The following TJP2 variants were observed in gnomAD, a reference collection of about 807,000 sequenced individuals.
TJP2 encodes Friedreich ataxia region gene X104 (tight junction protein ZO-2).
A neutral mutation model predicts 133.1 loss-of-function variants in TJP2; 91 were observed. That is an observed-to-expected ratio of 0.68 (90% confidence interval 0.58 to 0.81). The LOEUF (loss-of-function observed/expected upper bound fraction) is 0.81, where lower values mean the gene tolerates loss of function less well. Ranked by LOEUF, TJP2 falls within the 40% of genes least tolerant of loss-of-function variation. The pLI is 0.00. For missense variants in TJP2, 1,541 were observed against 1,565.6 expected (o/e 0.98, Z 0.26); for synonymous variants, 592 against 583.4 (o/e 1.01, Z -0.21).
At position 69,134,463 on chromosome 9, in the gene TJP2, A is replaced by G. The variant is rs111793343; in HGVS notation, c.-131+12738A>G. Among the ~76,000 whole-genome samples the G allele has an allele frequency of 4.9e-3, 741 of 152,262 alleles. 5 individuals carry two copies. Among genetic ancestry groups the G allele is most frequent in the African/African-American group, 0.017 (697 of 41,562 alleles). On this transcript the variant is annotated intron_variant, in intron 1 of 5. Transcript: ENST00000423935. ...ATGTGGGGCTGTTGTCTGGAGTGTG[A>G]GTGGTGTTGGAGGCCTGAAGGGCTG... is the stretch of plus-strand genomic sequence containing the variant.
intron 1 of TJP2, among the ~76,000 whole-genome samples, chr9:69,142,169 C>T (rs929502633): frequency 6.6e-6 from 1 of 152,152 alleles, no homozygotes; most frequent in Non-Finnish European, 1.5e-5. Context: ...GCGCTGGGCA[C>T]ATGGGTTATT....
Position 69,228,111 on chromosome 9 carries a change from C to T in TJP2, c.1450C>T (p.Pro484Ser). Residue 484 changes from proline (P) to serine (S), a missense_variant, in exon 9 of 23, where the codon CCA becomes TCA. Pro to Ser is a moderately conservative substitution (Grantham distance 74). Transcript: ENST00000377245. ...GGAACCCAGATACCAAGAGGACCCC[C>T]CAGGTGAGCCATTAAGACCACTCAG... is the stretch of plus-strand genomic sequence containing the variant. Reference protein sequence around the residue: ...NKEPRYQEDPPAPQPKAAPRT... With the variant: ...NKEPRYQEDPSAPQPKAAPRT... 1.9e-6 allele frequency: 3 copies of T among 1,603,434 alleles called. No homozygotes were observed. Among genetic ancestry groups the T allele is most frequent in the Non-Finnish European group, 2.6e-6 (3 of 1,174,640 alleles).
upstream of TJP2, among the ~76,000 whole-genome samples, chr9:69,170,338 A>C (rs1824611626): frequency 6.6e-6 from 1 of 152,154 alleles, no homozygotes; most frequent in Non-Finnish European, 1.5e-5. Flanking sequence ...TCATCATCAT[A>C]CATTAGATGT....
chr9:69,243,801 G>C (rs2133436258), intron 17 of TJP2, among the ~76,000 whole-genome samples: 1 of 152,318 alleles, frequency 6.6e-6, no homozygotes, highest in Admixed American at 6.5e-5. Flanking sequence ...TGCCCATTTA[G>C]AGGGGGTCTA....
intron 1 of TJP2, among the ~76,000 whole-genome samples, chr9:69,175,291 A>G (rs1014958457): frequency 2.0e-5 from 3 of 152,196 alleles, no homozygotes; most frequent in Admixed American, 1.3e-4. Flanking sequence ...ATCCCATGAT[A>G]GAAACTGCCT....
chr9:69,173,893 G>C (rs1824838181), upstream of TJP2, among the ~76,000 whole-genome samples: 1 of 152,158 alleles, frequency 6.6e-6, no homozygotes, highest in South Asian at 2.1e-4. Flanking sequence ...CCCAGAGCGC[G>C]CGCGCTCGGA....
chr9:69,139,993 G>A (rs776245754), intron 1 of TJP2, among the ~76,000 whole-genome samples: 1 of 152,162 alleles, frequency 6.6e-6, no homozygotes, highest in Admixed American at 6.5e-5. Flanking sequence ...CGTGAGCGTT[G>A]GGGGCAGGCT....
At chr9:69,175,173 C>A (rs1237517317) in intron 1 of TJP2, among the ~76,000 whole-genome samples, 1 of 152,160 alleles carries the variant, frequency 6.6e-6, no homozygotes, top group African/African-American at 2.4e-5. Flanking sequence ...GGAATACAGC[C>A]TCCCACCTCT....
intron 1 of TJP2, among the ~76,000 whole-genome samples, chr9:69,140,840 G>A (rs1483340991): frequency 7.9e-5 from 12 of 152,118 alleles, no homozygotes; most frequent in Admixed American, 6.6e-4. Flanking sequence ...GGAGTTCAAA[G>A]TTTTTTATTT....
chr9:69,230,748 T>TC (rs981794591), intron 11 of TJP2, among the ~76,000 whole-genome samples: 23 of 152,288 alleles, frequency 1.5e-4, no homozygotes, highest in African/African-American at 5.3e-4. Flanking sequence ...AATACCTGCC[T>TC]CGCAGGGACT....
chr9:69,211,377 A>G (rs1383697590), intron 1 of TJP2, among the ~76,000 whole-genome samples: 2 of 152,202 alleles, frequency 1.3e-5, no homozygotes, highest in African/African-American at 4.8e-5. Flanking sequence ...ATATACACAT[A>G]TTATAGATAC....
At chr9:69,193,475 G>A (rs1191082432) in intron 1 of TJP2, among the ~76,000 whole-genome samples, 1 of 149,040 alleles carries the variant, frequency 6.7e-6, no homozygotes, top group Non-Finnish European at 1.5e-5. Context: ...AGGCAAGTAC[G>A]GACTTTTTGA....
intron 1 of TJP2, among the ~76,000 whole-genome samples, chr9:69,137,329 CTTTTTTTTT>C (rs751674133): frequency 8.9e-6 from 1 of 111,832 alleles, no homozygotes; most frequent in African/African-American, 3.6e-5. Flanking sequence ...CTTTTCTTTT[CTTTTTTTTT>C]TTTGAGACAG....
chr9:69,246,634 C>A, intron 17 of TJP2, 56 bp from the exon 18 acceptor site: 2 of 1,434,624 alleles, frequency 1.4e-6, no homozygotes, highest in South Asian at 1.1e-5. Flanking sequence ...AAATAGCATC[C>A]TTAATAAACA....
intron 2 of TJP2, among the ~76,000 whole-genome samples, chr9:69,157,104 AT>A (rs1358838647): frequency 3.3e-5 from 5 of 152,156 alleles, no homozygotes; most frequent in African/African-American, 1.2e-4. Flanking sequence ...TTCAGGTTAA[AT>A]TTTAGGGTTC....
chr9:69,219,635 G>A (rs11145748), intron 4 of TJP2, among the ~76,000 whole-genome samples: 59,148 of 151,850 alleles, frequency 0.39, 12,340 homozygotes, highest in East Asian at 0.63. Context: ...TGTTTCCCAG[G>A]CTGATCTTGA....
chr9:69,171,614 C>T (rs897067056), upstream of TJP2, among the ~76,000 whole-genome samples: 2 of 152,104 alleles, frequency 1.3e-5, no homozygotes, highest in Non-Finnish European at 2.9e-5. Flanking sequence ...GGAAAGCCTT[C>T]CCTAAGTCTC....
chr9:69,212,981 A>ATGTATT (rs1305513432), intron 2 of TJP2, among the ~76,000 whole-genome samples: 1 of 44,624 alleles, frequency 2.2e-5, no homozygotes, highest in African/African-American at 4.8e-5. Flanking sequence ...TATAACTCTT[A>ATGTATT]AAAAGTGTAG....
chr9:69,182,393 C>G (rs1044110895), intron 1 of TJP2, among the ~76,000 whole-genome samples: 1 of 152,172 alleles, frequency 6.6e-6, no homozygotes, highest in African/African-American at 2.4e-5. Flanking sequence ...CAAGTGGCAA[C>G]ACATTGAAAT....
Sources: allele counts gnomAD v4.1 joint callset (sites outside exome capture counted in the v4.1 genomes callset), GRCh38; gene constraint gnomAD v4.1.1; transcripts MANE v1.5; gene names NCBI Gene and HGNC (gene_info 2026-07-23, HGNC 2026-07-21).